PIK3CA: variants seen among roughly 807,000 people sequenced by gnomAD.
PIK3CA encodes phosphatidylinositol 4,5-bisphosphate 3-kinase catalytic subunit alpha isoform.
In PIK3CA, 27 loss-of-function variants were observed where a neutral mutation model predicts 138.2. The observed-to-expected ratio is 0.20, with a 90% CI of 0.14 to 0.27. The LOEUF is 0.27. Ranked by LOEUF, PIK3CA falls within the 10% of genes least tolerant of loss-of-function variation. The pLI is 1.00. For missense variants in PIK3CA, 544 were observed against 1,277.4 expected, an observed-to-expected ratio of 0.43 and a Z score of 8.75; for synonymous variants, 358 against 413.2, an observed-to-expected ratio of 0.87 and a Z score of 1.62.
chr3:179,175,436 A>G (rs1365142801), intron 1 of PIK3CA, among the ~76,000 whole-genome samples: 10 of 151,790 alleles, frequency 6.6e-5, no homozygotes, highest in Non-Finnish European at 2.9e-5. Context: ...ATTTTATGGT[A>G]TGGTACCTTG....
chr3:179,236,408 G>A lies in PIK3CA; in HGVS notation c.*2044G>A, dbSNP rs949734196. The A allele has an allele frequency of 5.7e-5, 12 of 211,838 alleles. No individual in the cohort carries two copies. The highest frequency in any genetic ancestry group is 1.1e-4 in the Non-Finnish European group (11 of 103,674). 13.1% of individuals were successfully genotyped at this position (211,838 alleles called of 1,614,324 possible). On this transcript the variant is annotated 3_prime_UTR_variant, in exon 21 of 21. Coordinates refer to ENST00000263967, the MANE Select transcript of PIK3CA (RefSeq NM_006218.4). ...ACTTATTAAAACTTATTAACATTTT[G>A]TGTTGTTTAGATATAGGCAGTTGAT... is the stretch of plus-strand genomic sequence containing the variant.
intron 1 of PIK3CA, among the ~76,000 whole-genome samples, chr3:179,172,069 A>G (rs1723572743): frequency 6.6e-6 from 1 of 152,172 alleles, no homozygotes; most frequent in Non-Finnish European, 1.5e-5. Context: ...TATCCCAGCA[A>G]TGCAAGGCTC....
chr3:179,175,050 T>A (rs769426317), intron 1 of PIK3CA, among the ~76,000 whole-genome samples: 3 of 152,176 alleles, frequency 2.0e-5, no homozygotes, highest in Non-Finnish European at 4.4e-5. Context: ...ATCTCAAGAC[T>A]CTTTTTTGTC....
At chr3:179,202,940 T>G (rs549211774) in intron 4 of PIK3CA, among the ~76,000 whole-genome samples, 22 of 51,468 alleles carry the variant, frequency 4.3e-4, no homozygotes, top group Non-Finnish European at 6.9e-4. Flanking sequence ...GTGATCCTTG[T>G]TTTTTTTTTT....
chr3:179,212,126 G>T (rs1724728393), intron 9 of PIK3CA, among the ~76,000 whole-genome samples: 1 of 151,796 alleles, frequency 6.6e-6, no homozygotes, highest in Admixed American at 6.6e-5. Flanking sequence ...TCCTGCCTCA[G>T]CCTCCTGAGT....
chr3:179,154,943 ATAAAT>A (rs981746570), intron 1 of PIK3CA, among the ~76,000 whole-genome samples: 1 of 152,186 alleles, frequency 6.6e-6, no homozygotes, highest in Non-Finnish European at 1.5e-5. Flanking sequence ...GCCATTTGAA[ATAAAT>A]TAGGGATTTT....
chr3:179,201,655 G>T, intron 4 of PIK3CA, 115 bp downstream of exon 4: 1 of 683,152 alleles, frequency 1.5e-6, no homozygotes, highest in Non-Finnish European at 2.3e-6. Context: ...GCCCAGGCTG[G>T]AGTGCAGTGG....
intron 1 of PIK3CA, among the ~76,000 whole-genome samples, chr3:179,164,988 T>C (rs1391985658): frequency 6.6e-6 from 1 of 152,212 alleles, no homozygotes; most frequent in African/African-American, 2.4e-5. Context: ...TGTCTCTGGA[T>C]TTTAGCCCCA....
Position 179,162,202 on chromosome 3 carries a change from T to A in PIK3CA, c.-77+13599T>A, listed in dbSNP as rs550448554. On this transcript the variant is annotated intron_variant, in intron 1 of 20. Coordinates refer to ENST00000263967, the MANE Select transcript of PIK3CA (RefSeq NM_006218.4). The stretch of plus-strand genomic sequence containing the variant: ...ATGTATTTAAAAGTGTGAATTTATG[T>A]GTATATATATATGTATCAAAGAGAA... Among the ~76,000 whole-genome samples, 6 of 152,274 alleles carry A rather than the reference T, an allele frequency of 3.9e-5. No homozygotes were observed. The South Asian group carries it at 1.2e-3, about 32-fold the overall frequency.
intron 17 of PIK3CA, 104 bp downstream of exon 17, chr3:179,226,144 A>C: frequency 3.2e-6 from 2 of 622,974 alleles, no homozygotes; most frequent in South Asian, 3.9e-5. Context: ...AAAGAAATGT[A>C]TGCAGTAATT....
At chr3:179,178,163 A>G (rs1723748777) in intron 1 of PIK3CA, among the ~76,000 whole-genome samples, 1 of 143,880 alleles carries the variant, frequency 7.0e-6, no homozygotes, top group Non-Finnish European at 1.5e-5. Flanking sequence ...GCATGTGCCT[A>G]TAGTCCCAGC....
At chr3:179,208,996 TAATA>T (rs1486256797) in intron 6 of PIK3CA, among the ~76,000 whole-genome samples, 28 of 128,522 alleles carry the variant, frequency 2.2e-4, no homozygotes, top group Non-Finnish European at 3.7e-4. Context: ...TATATAGAAA[TAATA>T]AATATATATT....
chr3:179,149,199 C>G (rs1237441081), intron 1 of PIK3CA, among the ~76,000 whole-genome samples: 1 of 152,198 alleles, frequency 6.6e-6, no homozygotes, highest in African/African-American at 2.4e-5. Flanking sequence ...TTGTTTTTTC[C>G]TTTTAGCTGA....
In PIK3CA at chr3:179,238,350, T is replaced by C; in HGVS notation, c.*3986T>C. 4.6e-6 allele frequency: 1 copy of C among 215,248 alleles called. No homozygotes were observed. The highest frequency in any genetic ancestry group is 9.4e-6 in the Non-Finnish European group (1 of 106,716). The allele number at this position is 215,248 out of a possible 1,614,324, so 13.3% of individuals were successfully genotyped here. A position where few individuals can be genotyped will look rare whatever the true frequency, so the allele number is the denominator to read the frequency against. On this transcript the variant is annotated 3_prime_UTR_variant, in exon 21 of 21. Transcript: ENST00000263967. The stretch of plus-strand genomic sequence containing the variant: ...TAATTATTACATTAAAAATTGTAAA[T>C]ATATCTATGTGCCATGGCCTGGGAA...
At chr3:179,196,814 A>G (rs1724275920) in intron 1 of PIK3CA, among the ~76,000 whole-genome samples, 1 of 152,180 alleles carries the variant, frequency 6.6e-6, no homozygotes, top group Non-Finnish European at 1.5e-5. Flanking sequence ...GCAGGCATCA[A>G]TTCAGGGAGA....
chr3:179,223,694 TTAACTATTCA>T (rs1203276545), intron 14 of PIK3CA, among the ~76,000 whole-genome samples: 2 of 152,200 alleles, frequency 1.3e-5, no homozygotes, highest in African/African-American at 4.8e-5. Flanking sequence ...GGTCTCTGTC[TTAACTATTCA>T]ACTCTGCTAT....
At chr3:179,194,664 A>C (rs1724219981) in intron 1 of PIK3CA, among the ~76,000 whole-genome samples, 1 of 152,110 alleles carries the variant, frequency 6.6e-6, no homozygotes, top group Non-Finnish European at 1.5e-5. Context: ...GTAATGAAAA[A>C]CAGCTTGTAT....
Position 179,229,300 on chromosome 3 carries a change from G to A in PIK3CA, c.2524G>A (p.Gly842Ser), listed in dbSNP as rs1560148927. Residue 842 changes from glycine (G) to serine (S), a missense_variant, in exon 18 of 21, where the codon GGT (glycine) becomes AGT (serine). Gly to Ser is a moderately conservative substitution (Grantham distance 56). Coordinates refer to ENST00000263967, the MANE Select transcript of PIK3CA (RefSeq NM_006218.4). ...RMLPYGCLSI[G>S]DCVGLIEVVR... ...GTTACCTTATGGTTGTCTGTCAATC[G>A]GTGACTGTGTGGGACTTATTGAGGT... 1.9e-6 allele frequency: 3 copies of A among 1,612,084 alleles called. No homozygotes were observed. Among genetic ancestry groups the A allele is most frequent in the Non-Finnish European group, 2.5e-6 (3 of 1,179,106 alleles).
intron 1 of PIK3CA, among the ~76,000 whole-genome samples, chr3:179,182,012 C>T (rs1234867676): frequency 1.3e-5 from 2 of 152,144 alleles, no homozygotes; most frequent in African/African-American, 4.8e-5. Flanking sequence ...AAAAACTTTC[C>T]CATTTCTCTT....
Sources: allele counts gnomAD v4.1 joint callset (sites outside exome capture counted in the v4.1 genomes callset), GRCh38; gene constraint gnomAD v4.1.1; transcripts MANE v1.5; gene names NCBI Gene and HGNC (gene_info 2026-07-23, HGNC 2026-07-21).